The following DAB1 variants were observed in gnomAD, a reference collection of about 807,000 sequenced individuals.
The protein encoded by DAB1 is DAB adaptor protein 1.
In DAB1, 15 loss-of-function variants were observed where a neutral mutation model predicts 64.6. The observed-to-expected ratio is 0.23, with a 90% CI of 0.16 to 0.36. DAB1 has a LOEUF of 0.36. DAB1 is among the 10% of genes least tolerant of loss of function. The probability of loss-of-function intolerance (pLI) is 1.00; values close to 1 mark genes in which losing one functional copy is unlikely to be tolerated. For synonymous variants in DAB1, 235 were observed against 251.9 expected, an observed-to-expected ratio of 0.93 and a Z score of 0.64; for missense variants, 596 against 706.7, an observed-to-expected ratio of 0.84 and a Z score of 1.78.
intron 5 of DAB1, among the ~76,000 whole-genome samples, chr1:57,929,718 T>C (rs1202781): frequency 0.57 from 86,863 of 151,946 alleles, 25,342 homozygotes; most frequent in African/African-American, 0.67. Context: ...CAAAACATGG[T>C]AGAAAAGGTC....
At chr1:58,078,854 T>C (rs1053444388) in intron 5 of DAB1, among the ~76,000 whole-genome samples, 6 of 152,184 alleles carry the variant, frequency 3.9e-5, no homozygotes, top group African/African-American at 1.4e-4. Flanking sequence ...ATATCTGTTG[T>C]GGAGTTGAGC....
intron 5 of DAB1, among the ~76,000 whole-genome samples, chr1:58,091,173 C>A (rs983841731): frequency 1.3e-5 from 2 of 152,162 alleles, no homozygotes; most frequent in Admixed American, 6.5e-5. Flanking sequence ...TTGTTCTGAG[C>A]CCCTCTTTCC....
intron 5 of DAB1, chr1:58,048,701 C>A (rs150174747): frequency 2.3e-6 from 3 of 1,326,840 alleles, no homozygotes; most frequent in Non-Finnish European, 3.2e-6. Context: ...GTTTCCAGAA[C>A]CACTTCACCT....
rs188710051 is a variant in DAB1, at chr1:57,595,610, T to C, written n.625+53982A>G. Reference sequence around the variant, plus strand: ...GGCTCCAAATCCATGCCTTGTGATATGGTTCAGATCTGTGTTCCCCCCCCA... The same window carrying C: ...GGCTCCAAATCCATGCCTTGTGATACGGTTCAGATCTGTGTTCCCCCCCCA... On this transcript the variant is annotated intron_variant and non_coding_transcript_variant, in intron 7 of 20. Coordinates refer to the DAB1 transcript ENST00000485760. Among the ~76,000 whole-genome samples, 9 of 152,236 alleles carry C rather than the reference T, an allele frequency of 5.9e-5. No homozygotes were observed. The East Asian group carries it at 1.7e-3, about 29-fold the overall frequency.
chr1:57,106,309 G>A (rs1655153081), intron 4 of DAB1, among the ~76,000 whole-genome samples: 2 of 145,282 alleles, frequency 1.4e-5, no homozygotes, highest in African/African-American at 2.6e-5. Context: ...GGAATTTTTA[G>A]TTCCTTTAAT....
At chr1:57,533,260 A>G (rs939185807) in intron 7 of DAB1, among the ~76,000 whole-genome samples, 7 of 151,916 alleles carry the variant, frequency 4.6e-5, no homozygotes, top group Admixed American at 4.6e-4. Context: ...CAGAAATCAG[A>G]TTTCTTTCCT....
At chr1:57,536,954 C>T (rs1644737438) in intron 7 of DAB1, among the ~76,000 whole-genome samples, 1 of 152,152 alleles carries the variant, frequency 6.6e-6, no homozygotes, top group Admixed American at 6.5e-5. Context: ...AACAGAGAGC[C>T]CTGCCCTTGG....
At chr1:57,614,864 CTTTCTT>C (rs1382412610) in intron 7 of DAB1, among the ~76,000 whole-genome samples, 3 of 114,932 alleles carry the variant, frequency 2.6e-5, no homozygotes, top group South Asian at 2.9e-4. Context: ...TTCTTTCTTT[CTTTCTT>C]TTTTTTTTTT....
intron 7 of DAB1, among the ~76,000 whole-genome samples, chr1:57,520,412 T>C (rs1319225254): frequency 3.9e-5 from 6 of 152,238 alleles, no homozygotes; most frequent in Non-Finnish European, 8.8e-5. Flanking sequence ...GTTTCTTTTC[T>C]AAGTTCATAT....
rs566528027 is a variant in DAB1, at chr1:58,087,705, C to A, written n.387+62806G>T. 4.0e-5 allele frequency among the ~76,000 whole-genome samples: 6 copies of A among 149,334 alleles called. No individual in the cohort carries two copies. In the South Asian group the frequency reaches 1.3e-3, roughly 33 times the overall value. ...CTCTTAGGAAGCAGAACAGCATTTA[C>A]CTGAAAATAAAAAGTTAGATGGGAA... On this transcript the variant is annotated intron_variant and non_coding_transcript_variant, in intron 5 of 20. Coordinates refer to the DAB1 transcript ENST00000485760.
chr1:57,691,951 G>A (rs1646769661), intron 6 of DAB1, among the ~76,000 whole-genome samples: 1 of 152,050 alleles, frequency 6.6e-6, no homozygotes, highest in South Asian at 2.1e-4. Flanking sequence ...AGGCTTTCTG[G>A]GAAAGGGCTC....
At chr1:58,109,810 G>A (rs1046353693) in intron 5 of DAB1, among the ~76,000 whole-genome samples, 6 of 151,276 alleles carry the variant, frequency 4.0e-5, no homozygotes, top group Non-Finnish European at 8.8e-5. Context: ...AAGAGCAGCT[G>A]CCTACTAGAT....
At chr1:57,082,788 C>T (rs1442002096) in intron 4 of DAB1, among the ~76,000 whole-genome samples, 1 of 152,136 alleles carries the variant, frequency 6.6e-6, no homozygotes, top group Non-Finnish European at 1.5e-5. Context: ...ATTTGGTTTT[C>T]TGTTCCTGTG....
chr1:57,185,755 G>C (rs1358679485), intron 2 of DAB1, among the ~76,000 whole-genome samples: 3 of 152,024 alleles, frequency 2.0e-5, no homozygotes, highest in Non-Finnish European at 4.4e-5. Flanking sequence ...CTGGTTTTTT[G>C]TTTTTGGTCT....
chr1:57,094,721 A>T (rs1422856359), intron 4 of DAB1, among the ~76,000 whole-genome samples: 3 of 152,182 alleles, frequency 2.0e-5, no homozygotes, highest in African/African-American at 7.2e-5. Context: ...GAGTAGACCC[A>T]CTGAAGGATC....
chr1:57,654,279 G>A (rs1259473166), intron 6 of DAB1, among the ~76,000 whole-genome samples: 4 of 152,088 alleles, frequency 2.6e-5, no homozygotes, highest in African/African-American at 9.7e-5. Flanking sequence ...CATGTGCCAT[G>A]GAAAAACTGG....
At chr1:57,455,327 A>C (rs1686546039) in intron 7 of DAB1, among the ~76,000 whole-genome samples, 2 of 152,172 alleles carry the variant, frequency 1.3e-5, no homozygotes, top group African/African-American at 4.8e-5. Flanking sequence ...CTGAGGTAGC[A>C]ATATTTATTA....
At chr1:57,017,952 G>A (rs1017683125) in intron 11 of DAB1, among the ~76,000 whole-genome samples, 12 of 152,172 alleles carry the variant, frequency 7.9e-5, no homozygotes, top group South Asian at 2.1e-4. Flanking sequence ...GGTGTGTTTC[G>A]GTTGTCACAA....
intron 6 of DAB1, among the ~76,000 whole-genome samples, chr1:57,738,504 C>A (rs1437613397): frequency 3.9e-5 from 6 of 152,100 alleles, no homozygotes; most frequent in Admixed American, 3.9e-4. Context: ...ACACATACCC[C>A]CAACCCCACA....
Sources: allele counts gnomAD v4.1 joint callset (sites outside exome capture counted in the v4.1 genomes callset), GRCh38; gene constraint gnomAD v4.1.1; transcripts MANE v1.5; gene names NCBI Gene and HGNC (gene_info 2026-07-23, HGNC 2026-07-21).